Variants in CADM2 observed in about 807,000 individuals in gnomAD.
The protein encoded by CADM2 is cell adhesion molecule 2.
A neutral mutation model predicts 49.8 loss-of-function variants in CADM2; 12 were observed. The observed-to-expected ratio is 0.24, with a 90% confidence interval of 0.15 to 0.39. The LOEUF is 0.39. Among genes scored for constraint, CADM2 ranks in the 10% least tolerant of loss-of-function variants. The probability of loss-of-function intolerance (pLI) is 1.00; values close to 1 mark genes in which losing one functional copy is unlikely to be tolerated. For synonymous variants in CADM2, 214 were observed against 175.4 expected (o/e 1.22, Z -1.74); for missense variants, 378 against 492.3 (o/e 0.77, Z 2.20).
chr3:84,959,837 C>G (rs2030282705), intron 1 of CADM2, among the ~76,000 whole-genome samples, 169 bp downstream of exon 1: 1 of 152,014 alleles, frequency 6.6e-6, no homozygotes, highest in Admixed American at 6.6e-5. Context: ...TGCACCAGCC[C>G]CTCGAATTTC....
chr3:86,001,597 G>A lies in CADM2; in HGVS notation c.970+39950G>A, dbSNP rs536439625. 1.2e-3 allele frequency among the ~76,000 whole-genome samples: 176 copies of A among 152,166 alleles called. 2 individuals carry two copies. In the Middle Eastern group the frequency reaches 0.02, roughly 18 times the overall value. ...TTTCATCTGTAAAGGGGGATGATGGGCTGGCCAAACACAGATTAATTTAAA... is the reference window on the plus strand; with the variant it reads ...TTTCATCTGTAAAGGGGGATGATGGACTGGCCAAACACAGATTAATTTAAA... On this transcript the variant is annotated intron_variant, in intron 8 of 9. Transcript: ENST00000383699.
intron 1 of CADM2, among the ~76,000 whole-genome samples, chr3:85,030,724 C>G (rs969690925): frequency 6.6e-6 from 1 of 152,252 alleles, no homozygotes; most frequent in East Asian, 1.9e-4. Flanking sequence ...ACACCTTTCC[C>G]TCCCAGCCAG....
intron 1 of CADM2, among the ~76,000 whole-genome samples, chr3:85,157,336 CTACTT>C (rs2040162391): frequency 6.6e-6 from 1 of 151,190 alleles, no homozygotes; most frequent in Non-Finnish European, 1.5e-5. Flanking sequence ...TTGGAAAAAA[CTACTT>C]TAAAGTTCAT....
At chr3:85,689,876 T>A (rs2066330483) in intron 1 of CADM2, among the ~76,000 whole-genome samples, 2 of 152,144 alleles carry the variant, frequency 1.3e-5, no homozygotes, top group Non-Finnish European at 2.9e-5. Context: ...GGGTATAAAG[T>A]TTTTTATGGA....
At chr3:85,904,973 G>T (rs1245815146) in intron 5 of CADM2, among the ~76,000 whole-genome samples, 1 of 151,998 alleles carries the variant, frequency 6.6e-6, no homozygotes, top group Non-Finnish European at 1.5e-5. Context: ...ATAATGTTTA[G>T]TAATGTTATT....
intron 8 of CADM2, among the ~76,000 whole-genome samples, chr3:85,984,814 A>G (rs1471483851): frequency 2.6e-5 from 4 of 151,992 alleles, no homozygotes; most frequent in South Asian, 2.1e-4. Context: ...TTAGTTTTAC[A>G]TCAGTCTTTG....
intron 1 of CADM2, among the ~76,000 whole-genome samples, chr3:85,493,070 A>C (rs180964780): frequency 2.0e-5 from 3 of 152,298 alleles, no homozygotes; most frequent in Non-Finnish European, 4.4e-5. Flanking sequence ...AGTAAGAATC[A>C]ACAGTTTATT....
intron 7 of CADM2, among the ~76,000 whole-genome samples, chr3:85,948,830 T>C (rs1431019540): frequency 2.6e-5 from 4 of 151,532 alleles, no homozygotes; most frequent in Non-Finnish European, 4.4e-5. Flanking sequence ...TTCTCAGTGA[T>C]TGAGGAGGGC....
intron 1 of CADM2, among the ~76,000 whole-genome samples, chr3:85,258,187 A>G (rs1486023684): frequency 6.6e-6 from 1 of 152,128 alleles, no homozygotes; most frequent in African/African-American, 2.4e-5. Flanking sequence ...TCAGATATTT[A>G]GAGGCTGGAG....
intron 1 of CADM2, among the ~76,000 whole-genome samples, chr3:85,228,973 A>G (rs1443784150): frequency 1.3e-5 from 2 of 152,116 alleles, no homozygotes; most frequent in African/African-American, 4.8e-5. Context: ...GGTTTTATCT[A>G]TACCTGACTG....
intron 7 of CADM2, among the ~76,000 whole-genome samples, chr3:85,945,325 T>A (rs1330432947): frequency 1.3e-5 from 2 of 152,110 alleles, no homozygotes; most frequent in Non-Finnish European, 2.9e-5. Flanking sequence ...CCAGACGGTT[T>A]CACAGCCGAA....
At chr3:85,597,031 G>A (rs144288073) in intron 1 of CADM2, among the ~76,000 whole-genome samples, 2 of 152,068 alleles carry the variant, frequency 1.3e-5, no homozygotes, top group African/African-American at 4.8e-5. Flanking sequence ...ATATATTCTT[G>A]ATATATAAAT....
intron 8 of CADM2, among the ~76,000 whole-genome samples, chr3:86,002,067 G>A (rs1730252710): frequency 6.6e-6 from 1 of 152,092 alleles, no homozygotes; most frequent in Non-Finnish European, 1.5e-5. Flanking sequence ...ATAAAATACT[G>A]ATGGAGCTTA....
At chr3:85,155,099 T>C (rs201364081) in intron 1 of CADM2, among the ~76,000 whole-genome samples, 1 of 146,044 alleles carries the variant, frequency 6.8e-6, no homozygotes, top group Non-Finnish European at 1.5e-5. Context: ...ATATTAACCT[T>C]AAATGTAAAT....
At chr3:85,744,976 T>A (rs1453008014) in intron 2 of CADM2, among the ~76,000 whole-genome samples, 1 of 152,148 alleles carries the variant, frequency 6.6e-6, no homozygotes, top group Non-Finnish European at 1.5e-5. Context: ...GTTATTGTAA[T>A]ACTATAGGGA....
intron 1 of CADM2, among the ~76,000 whole-genome samples, chr3:85,685,615 C>CA (rs2066181064): frequency 8.2e-6 from 1 of 122,006 alleles, no homozygotes; most frequent in African/African-American, 2.9e-5. Context: ...TTCTTTCTTT[C>CA]TTTTTTTTTT....
chr3:85,245,951 C>T (rs1056110111), intron 1 of CADM2, among the ~76,000 whole-genome samples: 1 of 152,106 alleles, frequency 6.6e-6, no homozygotes, highest in African/African-American at 2.4e-5. Context: ...AACTAAAGAA[C>T]TAAAAACTAT....
At chr3:85,137,231 CTG>C in intron 1 of CADM2, among the ~76,000 whole-genome samples, 1 of 151,946 alleles carries the variant, frequency 6.6e-6, no homozygotes, top group African/African-American at 2.4e-5. Flanking sequence ...ATTTCTAAAA[CTG>C]AGAAAATTTA....
At chr3:85,830,063 A>G (rs944774306) in intron 3 of CADM2, among the ~76,000 whole-genome samples, 2 of 151,898 alleles carry the variant, frequency 1.3e-5, no homozygotes, top group African/African-American at 2.4e-5. Flanking sequence ...GGGTAGTTTT[A>G]TACTTTTCTT....
Sources: gnomAD v4.1 joint callset for allele counts (sites outside exome capture counted in the v4.1 genomes callset) on GRCh38, gnomAD v4.1.1 for gene constraint, MANE v1.5 for transcripts, NCBI Gene and HGNC (gene_info 2026-07-23, HGNC 2026-07-21) for gene names.